ATXN2: variants seen among roughly 807,000 people sequenced by gnomAD.
ATXN2 encodes the protein ataxin 2.
Under a neutral mutation model 138.6 loss-of-function variants are expected in ATXN2, and 37 were observed. That is an observed-to-expected ratio of 0.27 (90% CI 0.21 to 0.35). ATXN2 has a LOEUF of 0.35. ATXN2 is among the 10% of genes least tolerant of loss of function. ATXN2 has a pLI of 1.00. For synonymous variants in ATXN2, 549 were observed against 543.7 expected (o/e 1.01, Z -0.13); for missense variants, 1,216 against 1,480.3 (o/e 0.82, Z 2.93).
At chr12:111,558,217 T>G (rs1249231164) in intron 1 of ATXN2, among the ~76,000 whole-genome samples, 3 of 152,224 alleles carry the variant, frequency 2.0e-5, no homozygotes, top group African/African-American at 7.2e-5. Flanking sequence ...AGCAGTATTC[T>G]CTGAAATCCA....
At chr12:111,513,044 T>C (rs150309216) in intron 11 of ATXN2, 2 of 278,126 alleles carry the variant, frequency 7.2e-6, no homozygotes, top group East Asian at 2.2e-4. Flanking sequence ...AACTTTATAG[T>C]TTTACAATAT....
intron 1 of ATXN2, among the ~76,000 whole-genome samples, chr12:111,565,442 A>G (rs557401895): frequency 1.3e-5 from 2 of 152,304 alleles, no homozygotes; most frequent in African/African-American, 4.8e-5. Flanking sequence ...TGTATTTTAC[A>G]ATAATTGTAA....
At chr12:111,543,525 C>T (rs1275195225) in intron 5 of ATXN2, among the ~76,000 whole-genome samples, 2 of 152,144 alleles carry the variant, frequency 1.3e-5, no homozygotes, top group Non-Finnish European at 2.9e-5. Flanking sequence ...CCTCCACCTT[C>T]TGGGTTCAAA....
intron 20 of ATXN2, among the ~76,000 whole-genome samples, chr12:111,465,568 G>A (rs779018896): frequency 6.6e-6 from 1 of 151,070 alleles, no homozygotes; most frequent in Non-Finnish European, 1.5e-5. Context: ...TCAGAAGTTC[G>A]AGATCAGCCT....
At chr12:111,527,916 G>A (rs1880589811) in intron 5 of ATXN2, among the ~76,000 whole-genome samples, 1 of 152,112 alleles carries the variant, frequency 6.6e-6, no homozygotes, top group African/African-American at 2.4e-5. Context: ...TTAGCCATGT[G>A]TATTTTCAAG....
At position 111,456,179 on chromosome 12, in the gene ATXN2, A is replaced by G. The variant is rs1875078628; in HGVS notation, c.3120T>C (p.Leu1040=). The stretch of plus-strand genomic sequence containing the variant: ...GTGTCATGGAGGGTGGAGTTGGCGC[A>G]AGCCCCGCGTGGTAAATGGCTGACT... ...QQQSAIYHAG[L]APTPPSMTPA... Residue 1040 remains leucine, a synonymous_variant, in exon 23 of 25, where the codon CTT becomes CTC. Transcript: ENST00000673436. The G allele has an allele frequency of 3.7e-6, 6 of 1,614,252 alleles. No homozygotes were observed. The East Asian group carries it at 1.1e-4, about 30-fold the overall frequency.
At chr12:111,574,874 A>G (rs2135819132) in intron 1 of ATXN2, among the ~76,000 whole-genome samples, 1 of 152,312 alleles carries the variant, frequency 6.6e-6, no homozygotes, top group Admixed American at 6.5e-5. Flanking sequence ...CCAGAGATCC[A>G]AAATACAATG....
intron 1 of ATXN2, among the ~76,000 whole-genome samples, chr12:111,586,382 A>G (rs1211213009): frequency 7.5e-6 from 1 of 133,244 alleles, no homozygotes; most frequent in Non-Finnish European, 1.6e-5. Context: ...CCCAGCCCCA[A>G]GTCTGGTTTT....
At chr12:111,573,482 G>A (rs960911690) in intron 1 of ATXN2, among the ~76,000 whole-genome samples, 1 of 152,090 alleles carries the variant, frequency 6.6e-6, no homozygotes, top group Admixed American at 6.6e-5. Flanking sequence ...AGGCATAAGC[G>A]ACTGCTCCCA....
chr12:111,521,561 GA>G (rs1233943332), intron 6 of ATXN2, among the ~76,000 whole-genome samples: 1 of 152,176 alleles, frequency 6.6e-6, no homozygotes, highest in African/African-American at 2.4e-5. Context: ...AAGGCAGCAT[GA>G]AACGGTGAAC....
intron 5 of ATXN2, among the ~76,000 whole-genome samples, chr12:111,536,684 G>A (rs557808398): frequency 2.0e-5 from 3 of 151,516 alleles, no homozygotes; most frequent in East Asian, 1.9e-4. Context: ...TTTAGCATAC[G>A]AGCCAGCAAT....
chr12:111,582,825 C>G (rs1884084271), intron 1 of ATXN2, among the ~76,000 whole-genome samples: 1 of 151,720 alleles, frequency 6.6e-6, no homozygotes, highest in African/African-American at 2.4e-5. Context: ...CCCGCCACCA[C>G]GCCTGGCTAA....
intron 5 of ATXN2, among the ~76,000 whole-genome samples, chr12:111,542,798 G>A (rs1392449697): frequency 6.6e-6 from 1 of 152,064 alleles, no homozygotes; most frequent in Admixed American, 6.6e-5. Flanking sequence ...CATGTATCTT[G>A]AATCAACCTT....
intron 2 of ATXN2, among the ~76,000 whole-genome samples, chr12:111,554,795 G>C (rs1882303589): frequency 1.3e-5 from 2 of 152,118 alleles, no homozygotes; most frequent in African/African-American, 4.8e-5. Flanking sequence ...GTATGCAATT[G>C]TTAAAACTCA....
intron 5 of ATXN2, among the ~76,000 whole-genome samples, chr12:111,536,152 A>G (rs1297714521): frequency 6.6e-6 from 1 of 152,190 alleles, no homozygotes; most frequent in Admixed American, 6.5e-5. Flanking sequence ...GATCTAATAA[A>G]AGCAATGTCT....
chr12:111,563,062 A>T (rs1422377133), intron 1 of ATXN2, among the ~76,000 whole-genome samples: 1 of 152,196 alleles, frequency 6.6e-6, no homozygotes, highest in Non-Finnish European at 1.5e-5. Context: ...TTTCTGTTGT[A>T]TTCCTGCCAA....
At chr12:111,525,032 T>G (rs1242686002) in intron 6 of ATXN2, among the ~76,000 whole-genome samples, 160 bp downstream of exon 6, 1 of 152,236 alleles carries the variant, frequency 6.6e-6, no homozygotes, top group Non-Finnish European at 1.5e-5. Context: ...TTTTTCTTTA[T>G]ATATTGCTTG....
At chr12:111,506,863 G>A (rs982356532) in intron 14 of ATXN2, among the ~76,000 whole-genome samples, 3 of 152,218 alleles carry the variant, frequency 2.0e-5, no homozygotes, top group African/African-American at 4.8e-5. Context: ...ACGGGGTTTC[G>A]CTGTGTTGGC....
At chr12:111,511,955 G>C (rs1007726909) in intron 11 of ATXN2, 1 of 152,090 alleles carries the variant, frequency 6.6e-6, no homozygotes, top group African/African-American at 2.4e-5. Context: ...GTTTCCTTAA[G>C]CTTGAAGATC....
Sources: gnomAD v4.1 joint callset for allele counts (sites outside exome capture counted in the v4.1 genomes callset) on GRCh38, gnomAD v4.1.1 for gene constraint, MANE v1.5 for transcripts, NCBI Gene and HGNC (gene_info 2026-07-23, HGNC 2026-07-21) for gene names.